Variants in DGKB observed in about 807,000 individuals in gnomAD.
The protein encoded by DGKB is 90 kDa diacylglycerol kinase.
In DGKB, 67 loss-of-function variants were observed where a neutral mutation model predicts 114.3. The ratio of observed to expected loss-of-function variants is 0.59; its 90% CI spans 0.48 to 0.72. The LOEUF (loss-of-function observed/expected upper bound fraction) is 0.72. Ranked by LOEUF, DGKB falls within the 30% of genes least tolerant of loss-of-function variation. The pLI is 0.00. For missense variants in DGKB, 907 were observed against 975.2 expected (o/e 0.93, Z 0.93); for synonymous variants, 398 against 323.1 (o/e 1.23, Z -2.49).
upstream of DGKB, among the ~76,000 whole-genome samples, chr7:14,906,902 C>A (rs1326926901): frequency 2.6e-5 from 4 of 152,106 alleles, no homozygotes; most frequent in African/African-American, 9.7e-5. Flanking sequence ...ATAGCTTTAT[C>A]TTTTAAAGAA....
intron 23 of DGKB, among the ~76,000 whole-genome samples, chr7:14,238,469 C>T (rs182580881): frequency 1.8e-4 from 25 of 141,230 alleles, no homozygotes; most frequent in Admixed American, 1.4e-3. Flanking sequence ...TCTTTATAGC[C>T]GTGCAAAAAC....
intron 1 of DGKB, among the ~76,000 whole-genome samples, chr7:14,930,781 T>A (rs1784975761): frequency 6.6e-6 from 1 of 152,174 alleles, no homozygotes; most frequent in African/African-American, 2.4e-5. Context: ...CTTGACTTGT[T>A]CCAGTTCTTA....
At chr7:14,896,029 A>G (rs1298461845) in intron 1 of DGKB, among the ~76,000 whole-genome samples, 1 of 151,740 alleles carries the variant, frequency 6.6e-6, no homozygotes. Flanking sequence ...ATGCTTTTCT[A>G]TAGCACCTCT....
intron 2 of DGKB, among the ~76,000 whole-genome samples, chr7:14,823,735 C>T (rs147972121): frequency 6.6e-6 from 1 of 152,142 alleles, no homozygotes; most frequent in Non-Finnish European, 1.5e-5. Context: ...AAAGGTATTA[C>T]ATTTTTCCCT....
chr7:14,203,928 C>G (rs1259056599), intron 23 of DGKB, among the ~76,000 whole-genome samples: 1 of 151,854 alleles, frequency 6.6e-6, no homozygotes, highest in Non-Finnish European at 1.5e-5. Flanking sequence ...AGCTTCTGGT[C>G]TGATAACATG....
intron 23 of DGKB, among the ~76,000 whole-genome samples, chr7:14,257,517 T>G (rs1796119780): frequency 6.6e-6 from 1 of 152,078 alleles, no homozygotes. Context: ...AGGCACATGG[T>G]GGGAGGTAAT....
chr7:14,750,789 A>ATT (rs1833986870), intron 4 of DGKB, among the ~76,000 whole-genome samples: 4 of 85,050 alleles, frequency 4.7e-5, no homozygotes, highest in South Asian at 3.8e-4. Flanking sequence ...AGCTATTTCT[A>ATT]TTTCTTTTTT....
At chr7:14,283,959 G>A (rs373806984) in intron 23 of DGKB, among the ~76,000 whole-genome samples, 2 of 152,070 alleles carry the variant, frequency 1.3e-5, no homozygotes, top group Admixed American at 1.3e-4. Context: ...CATGGGCAAG[G>A]ACTTCATGTC....
At chr7:14,828,987 G>A (rs1457948690) in intron 2 of DGKB, among the ~76,000 whole-genome samples, 1 of 152,050 alleles carries the variant, frequency 6.6e-6, no homozygotes. Flanking sequence ...AAGAATGTAA[G>A]TCAGAAGTTT....
At chr7:14,721,825 A>G (rs1236115883) in intron 5 of DGKB, among the ~76,000 whole-genome samples, 12 of 152,006 alleles carry the variant, frequency 7.9e-5, no homozygotes, top group African/African-American at 2.9e-4. Flanking sequence ...TACTTGATAA[A>G]AAGAAAATTG....
At chr7:14,764,724 T>G (rs1399730533) in intron 2 of DGKB, among the ~76,000 whole-genome samples, 1 of 151,888 alleles carries the variant, frequency 6.6e-6, no homozygotes, top group African/African-American at 2.4e-5. Flanking sequence ...ATATATATTT[T>G]GTCTGATTGC....
chr7:14,384,704 C>T (rs1194213801), intron 21 of DGKB, among the ~76,000 whole-genome samples: 1 of 152,178 alleles, frequency 6.6e-6, no homozygotes, highest in Non-Finnish European at 1.5e-5. Context: ...AAACCTTTAC[C>T]TCCGTGGTTC....
chr7:14,849,141 A>G (rs1222043366), intron 1 of DGKB, among the ~76,000 whole-genome samples: 3 of 152,112 alleles, frequency 2.0e-5, no homozygotes, highest in African/African-American at 4.8e-5. Context: ...TATTTAGGAA[A>G]TGTGGACAGG....
intron 20 of DGKB, among the ~76,000 whole-genome samples, chr7:14,496,450 A>C (rs1785319424): frequency 6.6e-6 from 1 of 151,790 alleles, no homozygotes; most frequent in Admixed American, 6.6e-5. Context: ...TGATCAAGCA[A>C]AAATGAGTGG....
intron 23 of DGKB, among the ~76,000 whole-genome samples, chr7:14,280,381 T>G (rs1799756318): frequency 6.6e-6 from 1 of 152,072 alleles, no homozygotes; most frequent in Non-Finnish European, 1.5e-5. Context: ...AATCTACGTC[T>G]GATTGGTGTA....
At chr7:14,671,207 C>G (rs1818905808) in intron 13 of DGKB, among the ~76,000 whole-genome samples, 1 of 151,950 alleles carries the variant, frequency 6.6e-6, no homozygotes, top group African/African-American at 2.4e-5. Flanking sequence ...CAGGGATGCA[C>G]CGACATGGGC....
chr7:14,724,800 A>G (rs1213506617), intron 5 of DGKB, among the ~76,000 whole-genome samples: 2 of 152,206 alleles, frequency 1.3e-5, no homozygotes, highest in Non-Finnish European at 2.9e-5. Context: ...GTGAAGACAA[A>G]TCATCTCATT....
At chr7:14,693,817 T>A (rs756536335) in intron 9 of DGKB, among the ~76,000 whole-genome samples, 1 of 152,006 alleles carries the variant, frequency 6.6e-6, no homozygotes, top group Non-Finnish European at 1.5e-5. Context: ...AGATTGCACC[T>A]TCAACAGAGG....
At chr7:14,323,789 C>T (rs1205641162) in intron 23 of DGKB, among the ~76,000 whole-genome samples, 1 of 152,146 alleles carries the variant, frequency 6.6e-6, no homozygotes, top group Admixed American at 6.5e-5. Flanking sequence ...GAGTGAATGA[C>T]TTATATGAAG....
Sources: gnomAD v4.1 joint callset for allele counts (sites outside exome capture counted in the v4.1 genomes callset) on GRCh38, gnomAD v4.1.1 for gene constraint, MANE v1.5 for transcripts, NCBI Gene and HGNC (gene_info 2026-07-23, HGNC 2026-07-21) for gene names.